Variants in PTP4A1 observed in about 807,000 individuals in gnomAD.
PTP4A1 encodes protein tyrosine phosphatase 4A1.
A neutral mutation model predicts 20.5 loss-of-function variants in PTP4A1; 9 were observed. The ratio of observed to expected loss-of-function variants is 0.44; its 90% CI spans 0.26 to 0.77. The LOEUF is 0.77. Ranked by LOEUF, PTP4A1 falls within the 30% of genes least tolerant of loss-of-function variation. The pLI is 0.19. For synonymous variants in PTP4A1, 78 were observed against 67.4 expected (o/e 1.16, Z -0.77); for missense variants, 137 against 218.8 (o/e 0.63, Z 2.36).
In PTP4A1 at chr6:63,580,043, T is replaced by G; in HGVS notation, c.405-14T>G. Reference sequence around the variant, plus strand: ...CTTTTGCCTTGTTTCATTTTTTTTTTTTTTTCCTCCCAGAAAGCGGCGTGG... The same window carrying G: ...CTTTTGCCTTGTTTCATTTTTTTTTGTTTTTCCTCCCAGAAAGCGGCGTGG... On this transcript the variant is annotated splice_polypyrimidine_tract_variant and intron_variant, in intron 5 of 5. Coordinates refer to ENST00000626021, the MANE Select transcript of PTP4A1 (RefSeq NM_003463.5). 3.2e-6 allele frequency: 5 copies of G among 1,583,002 alleles called. No homozygotes were observed. Among genetic ancestry groups the G allele is most frequent in the Non-Finnish European group, 4.3e-6 (5 of 1,162,752 alleles).
At chr6:63,562,206 T>TC (rs969346408) in intron 3 of PTP4A1, among the ~76,000 whole-genome samples, 3 of 151,344 alleles carry the variant, frequency 2.0e-5, no homozygotes, top group African/African-American at 7.3e-5. Flanking sequence ...TTTTTCTTTT[T>TC]TTTTTTTTTT....
At chr6:63,527,344 T>C (rs1775232244) in intron 1 of PTP4A1, among the ~76,000 whole-genome samples, 2 of 152,200 alleles carry the variant, frequency 1.3e-5, no homozygotes, top group Admixed American at 1.3e-4. Context: ...CAGATTCTCG[T>C]ATCACCACAG....
chr6:63,538,493 A>G (rs1775813850), intron 2 of PTP4A1, among the ~76,000 whole-genome samples: 1 of 152,262 alleles, frequency 6.6e-6, no homozygotes, highest in African/African-American at 2.4e-5. Context: ...ACACTAAGTG[A>G]TAAAGTTACA....
At chr6:63,560,505 T>C (rs994834555) in intron 3 of PTP4A1, among the ~76,000 whole-genome samples, 3 of 151,006 alleles carry the variant, frequency 2.0e-5, no homozygotes, top group Admixed American at 6.6e-5. Context: ...CGAGTTCAAG[T>C]GATTCTCCTG....
At chr6:63,566,397 G>A (rs1777190566) in intron 3 of PTP4A1, among the ~76,000 whole-genome samples, 1 of 152,078 alleles carries the variant, frequency 6.6e-6, no homozygotes, top group Admixed American at 6.6e-5. Context: ...TCAGGGTCGG[G>A]GTCAGTTTCT....
chr6:63,572,452 T>G, upstream of PTP4A1: 3 of 372,362 alleles, frequency 8.1e-6, no homozygotes, highest in Non-Finnish European at 4.8e-6. Flanking sequence ...GCGCCGGCTA[T>G]AAAGGGGAGG....
chr6:63,557,105 G>A (rs185429026), intron 3 of PTP4A1, among the ~76,000 whole-genome samples: 12 of 152,322 alleles, frequency 7.9e-5, no homozygotes, highest in Non-Finnish European at 1.3e-4. Context: ...ATAGAACACA[G>A]CCTTTGTCTT....
chr6:63,542,022 G>GGGGT (rs1288361187), intron 2 of PTP4A1, among the ~76,000 whole-genome samples: 28 of 146,844 alleles, frequency 1.9e-4, no homozygotes, highest in South Asian at 1.3e-3. Context: ...AAGAAACTGT[G>GGGGT]GTGTGTGTGT....
At chr6:63,529,121 G>GTA (rs1210158113) in intron 2 of PTP4A1, among the ~76,000 whole-genome samples, 1 of 140,020 alleles carries the variant, frequency 7.1e-6, no homozygotes, top group East Asian at 2.0e-4. Flanking sequence ...ATATATATAT[G>GTA]TATATATATG....
intron 2 of PTP4A1, among the ~76,000 whole-genome samples, chr6:63,541,728 TA>T (rs372877561): frequency 2.9e-3 from 448 of 152,200 alleles, no homozygotes; most frequent in African/African-American, 0.01. Context: ...CCAACTCCAT[TA>T]AAAAAGATGC....
intron 5 of PTP4A1, 65 bp downstream of exon 5, chr6:63,579,396 TAATAGTCTA>T: frequency 8.9e-7 from 1 of 1,128,182 alleles, no homozygotes; most frequent in South Asian, 1.5e-5. Context: ...TCAGTGAGTT[TAATAGTCTA>T]ATAGCCCATT....
intron 2 of PTP4A1, among the ~76,000 whole-genome samples, chr6:63,536,776 T>C (rs1334106999): frequency 2.6e-5 from 4 of 152,150 alleles, no homozygotes; most frequent in African/African-American, 9.6e-5. Flanking sequence ...AGAAAAGGTT[T>C]TATTATATTA....
intron 2 of PTP4A1, among the ~76,000 whole-genome samples, chr6:63,544,564 C>T (rs1776106379): frequency 6.6e-6 from 1 of 152,006 alleles, no homozygotes; most frequent in South Asian, 2.1e-4. Flanking sequence ...AAAATAAAAA[C>T]CTGGGTCACA....
chr6:63,558,290 G>A (rs1776775847), intron 3 of PTP4A1, among the ~76,000 whole-genome samples: 1 of 152,134 alleles, frequency 6.6e-6, no homozygotes, highest in Admixed American at 6.6e-5. Flanking sequence ...AGGAGGGAGG[G>A]ATGGAGGAGA....
Position 63,580,222 on chromosome 6 carries a change from A to G in PTP4A1, c.*48A>G. ...GGAAGTGGAACTTGAGATAGGGCCT[A>G]ATTTGTTATACATATTAGCCAACAT... On this transcript the variant is annotated 3_prime_UTR_variant, in exon 6 of 6. Transcript: ENST00000626021. 7 of 1,387,998 alleles carry G rather than the reference A, an allele frequency of 5.0e-6. No individual in the cohort carries two copies. Among genetic ancestry groups the G allele is most frequent in the Non-Finnish European group, 7.2e-6 (7 of 976,944 alleles). The allele number at this position is 1,387,998 out of a possible 1,614,324, so 86.0% of individuals were successfully genotyped here. A position where few individuals can be genotyped will look rare whatever the true frequency, so the allele number is the denominator to read the frequency against.
At chr6:63,559,318 G>A (rs923266590) in intron 3 of PTP4A1, among the ~76,000 whole-genome samples, 4 of 152,202 alleles carry the variant, frequency 2.6e-5, no homozygotes, top group Admixed American at 6.5e-5. Flanking sequence ...TTTGGGGGAA[G>A]TGATAGTGTA....
At chr6:63,521,239 A>T (rs911657913), upstream of PTP4A1, among the ~76,000 whole-genome samples, 2 of 152,206 alleles carry the variant, frequency 1.3e-5, no homozygotes, top group Non-Finnish European at 2.9e-5. Flanking sequence ...TAAAAGAAAA[A>T]AAAATAAAAC....
chr6:63,534,228 A>C (rs1314035458), intron 2 of PTP4A1, among the ~76,000 whole-genome samples: 2 of 152,204 alleles, frequency 1.3e-5, no homozygotes, highest in Non-Finnish European at 2.9e-5. Context: ...TTTAAAAAAA[A>C]AGTTTTACTT....
chr6:63,557,922 C>A (rs1561908325), intron 3 of PTP4A1, among the ~76,000 whole-genome samples: 1 of 150,914 alleles, frequency 6.6e-6, no homozygotes. Flanking sequence ...CGGAGTCTTG[C>A]TCTGTCACCC....
Sources: gnomAD v4.1 joint callset for allele counts (sites outside exome capture counted in the v4.1 genomes callset) on GRCh38, gnomAD v4.1.1 for gene constraint, MANE v1.5 for transcripts, NCBI Gene and HGNC (gene_info 2026-07-23, HGNC 2026-07-21) for gene names.